The following MAGI2 variants were observed in gnomAD, a reference collection of about 807,000 sequenced individuals.
The protein encoded by MAGI2 is membrane associated guanylate kinase, WW and PDZ domain containing 2, also known as membrane-associated guanylate kinase, WW and PDZ domain-containing protein 2.
Under a neutral mutation model 133.3 loss-of-function variants are expected in MAGI2, and 35 were observed. The ratio of observed to expected loss-of-function variants is 0.26; its 90% CI spans 0.20 to 0.35. MAGI2 has a LOEUF of 0.35. Among genes scored for constraint, MAGI2 ranks in the 10% least tolerant of loss-of-function variants. The pLI is 1.00. For missense variants in MAGI2, 1,636 were observed against 1,863.4 expected (o/e 0.88, Z 2.25); for synonymous variants, 729 against 710.6 (o/e 1.03, Z -0.41).
intron 2 of MAGI2, among the ~76,000 whole-genome samples, chr7:78,789,282 A>C (rs37856): frequency 0.97 from 148,182 of 152,280 alleles, 72,124 homozygotes; most frequent in East Asian, 1. Context: ...ATATTTGATT[A>C]ATCCTTTGCT....
At chr7:78,056,713 C>G (rs1812612265) in intron 21 of MAGI2, among the ~76,000 whole-genome samples, 1 of 152,102 alleles carries the variant, frequency 6.6e-6, no homozygotes, top group Non-Finnish European at 1.5e-5. Context: ...CTAAGGGATG[C>G]TGGGCTTAAT....
At chr7:78,309,365 G>C (rs1323367335) in intron 9 of MAGI2, among the ~76,000 whole-genome samples, 1 of 152,154 alleles carries the variant, frequency 6.6e-6, no homozygotes, top group Non-Finnish European at 1.5e-5. Context: ...CCATAAAAAA[G>C]AATTACGTAA....
In MAGI2 at chr7:79,291,108, A is replaced by T. The variant is rs191117011; in HGVS notation, c.301+161912T>A. On this transcript the variant is annotated intron_variant, in intron 1 of 21. Transcript: ENST00000354212. ...CTTTTCCAGTCCTTGGCAAATACTA[A>T]TGTACTTTTTGTCTCTGTGGATTTT... Among the ~76,000 whole-genome samples the T allele has an allele frequency of 6.2e-3, 783 of 126,354 alleles. 5 individuals carry two copies. The highest frequency in any genetic ancestry group is 0.026 in the African/African-American group (741 of 28,496). The allele number at this position is 126,354 out of a possible 152,430, so 82.9% of individuals were successfully genotyped here.
At position 78,194,971 on chromosome 7, in the gene MAGI2, G is replaced by T. The variant is rs1387550717; in HGVS notation, c.2172C>A (p.His724Gln). 1.1e-5 allele frequency: 17 copies of T among 1,614,014 alleles called. No individual in the cohort carries two copies. The highest frequency in any genetic ancestry group is 1.4e-5 in the Non-Finnish European group (17 of 1,180,004). The change falls in exon 12 of 22, where the codon CAC becomes CAA. Residue 724 changes from histidine to glutamine, a missense_variant. By Grantham distance (24) the His-to-Gln change is conservative. Around this residue, in one of 5 missense-constraint regions of MAGI2, gnomAD observed 920 missense variants for 1,093.5 expected, o/e 0.84. Coordinates refer to ENST00000354212, the MANE Select transcript of MAGI2 (RefSeq NM_012301.4). Reference protein sequence around the residue: ...PQNLPFPPALHRSSFPDSTEA... With the variant: ...PQNLPFPPALQRSSFPDSTEA... ...CTGTTGAGTCAGGAAAGGAGCTCCT[G>T]TGAAGGGCAGGTGGGAAGGGCAGGT...
intron 6 of MAGI2, among the ~76,000 whole-genome samples, chr7:78,434,946 C>T (rs1208689442): frequency 6.6e-6 from 1 of 152,112 alleles, no homozygotes; most frequent in African/African-American, 2.4e-5. Flanking sequence ...CCCTTAGGGC[C>T]CGCTGCCTCC....
intron 3 of MAGI2, among the ~76,000 whole-genome samples, chr7:78,573,401 T>TATATATATATAG (rs1563189756): frequency 1.3e-5 from 1 of 74,210 alleles, no homozygotes; most frequent in African/African-American, 5.5e-5. Context: ...TATATATATA[T>TATATATATATAG]ATAGGCTGCC....
At chr7:78,354,020 G>C (rs1436208865) in intron 7 of MAGI2, among the ~76,000 whole-genome samples, 1 of 152,114 alleles carries the variant, frequency 6.6e-6, no homozygotes, top group African/African-American at 2.4e-5. Flanking sequence ...TATAAGATGA[G>C]CTTCAACACA....
intron 6 of MAGI2, among the ~76,000 whole-genome samples, chr7:78,478,691 A>C (rs1291984519): frequency 3.3e-5 from 5 of 151,482 alleles, no homozygotes; most frequent in Non-Finnish European, 5.9e-5. Flanking sequence ...GAAACAATTC[A>C]ACAGACATTC....
intron 1 of MAGI2, among the ~76,000 whole-genome samples, chr7:79,158,269 T>G (rs2129547491): frequency 6.6e-6 from 1 of 152,186 alleles, no homozygotes; most frequent in Admixed American, 6.6e-5. Flanking sequence ...TCTATGTATT[T>G]ATGTGTTGTG....
intron 1 of MAGI2, among the ~76,000 whole-genome samples, chr7:79,378,043 G>A (rs1346277863): frequency 6.6e-6 from 1 of 151,834 alleles, no homozygotes; most frequent in Non-Finnish European, 1.5e-5. Context: ...AACAGATGGA[G>A]AAGACAGATG....
chr7:78,239,889 A>G (rs1038831140), intron 10 of MAGI2, among the ~76,000 whole-genome samples: 2 of 152,262 alleles, frequency 1.3e-5, no homozygotes, highest in Non-Finnish European at 2.9e-5. Context: ...ATGATCAGTA[A>G]TTCCACCACT....
At chr7:78,578,976 A>C (rs6949355) in intron 3 of MAGI2, among the ~76,000 whole-genome samples, 121,744 of 152,056 alleles carry the variant, frequency 0.8, 48,865 homozygotes, top group East Asian at 0.9. Context: ...GTGAGTCCCA[A>C]TGCCTGGAAA....
chr7:78,557,133 G>T (rs1235384664), intron 3 of MAGI2, among the ~76,000 whole-genome samples: 1 of 144,946 alleles, frequency 6.9e-6, no homozygotes, highest in Non-Finnish European at 1.5e-5. Flanking sequence ...CACAGGTGAG[G>T]AAACTGAGGC....
chr7:78,149,538 C>T (rs926457006), intron 16 of MAGI2, among the ~76,000 whole-genome samples: 1 of 152,128 alleles, frequency 6.6e-6, no homozygotes, highest in Admixed American at 6.5e-5. Flanking sequence ...TTTTGTCAAG[C>T]GTCTACAAGA....
intron 6 of MAGI2, among the ~76,000 whole-genome samples, chr7:78,459,367 TTAACACG>T (rs1789714341): frequency 6.6e-6 from 1 of 152,228 alleles, no homozygotes; most frequent in African/African-American, 2.4e-5. Flanking sequence ...AAAGGTAGTA[TTAACACG>T]TTTATGGCTC....
intron 9 of MAGI2, among the ~76,000 whole-genome samples, chr7:78,270,854 G>T (rs1050598761): frequency 6.6e-6 from 1 of 152,096 alleles, no homozygotes; most frequent in Non-Finnish European, 1.5e-5. Flanking sequence ...TCAGCAACAC[G>T]TCTTATTTAT....
Position 78,756,026 on chromosome 7 carries a change from T to C in MAGI2, c.419-128787A>G, listed in dbSNP as rs868230854. On this transcript the variant is annotated intron_variant, in intron 2 of 21. Transcript: ENST00000354212. ...GAGTGTCAGAAACAACCAGAATCCATGTGAGAATTCTCCGGGATACTATAG... is the reference window on the plus strand; with the variant it reads ...GAGTGTCAGAAACAACCAGAATCCACGTGAGAATTCTCCGGGATACTATAG... 2.0e-5 allele frequency among the ~76,000 whole-genome samples: 3 copies of C among 152,304 alleles called. No homozygotes were observed. The South Asian group carries it at 6.2e-4, about 32-fold the overall frequency.
At chr7:78,807,941 G>A (rs759853941) in intron 2 of MAGI2, among the ~76,000 whole-genome samples, 8 of 152,098 alleles carry the variant, frequency 5.3e-5, no homozygotes, top group Admixed American at 6.5e-5. Flanking sequence ...AGATGCTAGT[G>A]CCTTGCCCCA....
intron 1 of MAGI2, among the ~76,000 whole-genome samples, chr7:79,391,618 T>C (rs1029275764): frequency 1.3e-5 from 2 of 149,888 alleles, no homozygotes; most frequent in Non-Finnish European, 3.0e-5. Flanking sequence ...GTTTGTTACA[T>C]AGGTATACGT....
Sources: allele counts gnomAD v4.1 joint callset (sites outside exome capture counted in the v4.1 genomes callset), GRCh38; gene constraint gnomAD v4.1.1; regional missense constraint gnomAD v4.1.1; transcripts MANE v1.5; gene names NCBI Gene and HGNC (gene_info 2026-07-23, HGNC 2026-07-21).